The following DHX8 variants were observed in gnomAD, a reference collection of about 807,000 sequenced individuals.
The protein encoded by DHX8 is DEAH-box helicase 8, also known as ATP-dependent RNA helicase DHX8.
DHX8 carries 67 observed loss-of-function variants against 140.7 expected under a neutral mutation model. That is an observed-to-expected ratio of 0.48 (90% confidence interval 0.39 to 0.58). The LOEUF (loss-of-function observed/expected upper bound fraction) is 0.58. Ranked by LOEUF, DHX8 falls within the 20% of genes least tolerant of loss-of-function variation. The pLI, the probability that DHX8 is intolerant of heterozygous loss-of-function variation, is 0.00. For synonymous variants in DHX8, 533 were observed against 553.2 expected (o/e 0.96, Z 0.51); for missense variants, 887 against 1,550.7 (o/e 0.57, Z 7.19).
intron 16 of DHX8, 96 bp downstream of exon 16, chr17:43,508,616 G>T: frequency 1.7e-4 from 107 of 632,930 alleles, no homozygotes; most frequent in Non-Finnish European, 2.3e-4. Context: ...GTGTATGCAA[G>T]TCTTTTTTTT....
intron 11 of DHX8, among the ~76,000 whole-genome samples, chr17:43,500,414 G>A (rs1969119098): frequency 6.6e-6 from 1 of 152,106 alleles, no homozygotes; most frequent in African/African-American, 2.4e-5. Flanking sequence ...TTAAACCCAG[G>A]AGGTGGAAGT....
intron 8 of DHX8, among the ~76,000 whole-genome samples, chr17:43,494,825 T>TA (rs1346837003): frequency 7.2e-6 from 1 of 138,636 alleles, no homozygotes; most frequent in Non-Finnish European, 1.6e-5. Flanking sequence ...TTTTTTTTTT[T>TA]AATTGAGACG....
In DHX8 at chr17:43,511,456, A is replaced by ATTTTTTTTTTTTTTTTTTTTTTT. The variant is rs71160045; in HGVS notation, c.2503-1887_2503-1886insTTTTTTTTTTTTTTTTTTTTTTT. On this transcript the variant is annotated intron_variant, in intron 16 of 22. Coordinates refer to ENST00000262415, the MANE Select transcript of DHX8 (RefSeq NM_004941.3). ...AGTGGCTTATGCCTGTGATCCCAGCATTTTTTTTTTTTTTTTTTTGAGACA... is the reference window on the plus strand; with the variant it reads ...AGTGGCTTATGCCTGTGATCCCAGCATTTTTTTTTTTTTTTTTTTTTTTTTTTTTTTTTTTTTTTTTTGAGACA... Among the ~76,000 whole-genome samples the ATTTTTTTTTTTTTTTTTTTTTTT allele has an allele frequency of 9.0e-4, 51 of 56,790 alleles. 17 individuals are homozygous for ATTTTTTTTTTTTTTTTTTTTTTT. The highest frequency in any genetic ancestry group is 2.1e-3 in the East Asian group (3 of 1,418). The allele number at this position is 56,790 out of a possible 152,430, so 37.3% of individuals were successfully genotyped here. A position where few individuals can be genotyped will look rare whatever the true frequency, so the allele number is the denominator to read the frequency against.
intron 8 of DHX8, 43 bp downstream of exon 8, chr17:43,493,929 G>GC: frequency 6.2e-7 from 1 of 1,604,564 alleles, no homozygotes; most frequent in Non-Finnish European, 8.5e-7. Context: ...CATTCAGCAT[G>GC]TAGCATGGTG....
chr17:43,525,940 A>G (rs1970599013), downstream of DHX8: 3 of 985,382 alleles, frequency 3.0e-6, no homozygotes, highest in Non-Finnish European at 3.6e-6. Flanking sequence ...AGGATAAGAG[A>G]CAGCAGGGTT....
chr17:43,488,581 A>G (rs1968317448), intron 1 of DHX8, among the ~76,000 whole-genome samples: 1 of 151,638 alleles, frequency 6.6e-6, no homozygotes, highest in Admixed American at 6.6e-5. Flanking sequence ...GCTGCACTCC[A>G]GCCTGGGCGA....
chr17:43,487,526 G>T (rs1184044709), intron 1 of DHX8, among the ~76,000 whole-genome samples: 1 of 152,086 alleles, frequency 6.6e-6, no homozygotes, highest in Non-Finnish European at 1.5e-5. Flanking sequence ...GCTGATTTTT[G>T]TATTTTTTGT....
chr17:43,522,748 A>G (rs1970437431), intron 22 of DHX8, among the ~76,000 whole-genome samples: 1 of 123,232 alleles, frequency 8.1e-6, no homozygotes, highest in Non-Finnish European at 1.6e-5. Context: ...ACTCCATCTC[A>G]AAAAAAAAAA....
chr17:43,528,392 G>T, downstream of DHX8: 1 of 661,538 alleles, frequency 1.5e-6, no homozygotes, highest in Non-Finnish European at 2.6e-6. Context: ...TAGGGCAACT[G>T]GTAGGACAGT....
At chr17:43,526,587 G>A, downstream of DHX8, 3 of 1,535,674 alleles carry the variant, frequency 2.0e-6, no homozygotes, top group East Asian at 2.4e-5. Context: ...ACTGGGACTG[G>A]TGACTTGTTA....
intron 3 of DHX8, among the ~76,000 whole-genome samples, chr17:43,539,146 A>G (rs1166836092): frequency 6.6e-6 from 1 of 152,170 alleles, no homozygotes. Context: ...TATTTAAAGC[A>G]TGAAATCCAA....
At chr17:43,496,104 A>G in intron 8 of DHX8, 77 bp from the exon 9 acceptor site, 1 of 1,176,718 alleles carries the variant, frequency 8.5e-7, no homozygotes, top group Non-Finnish European at 1.3e-6. Context: ...TCTCAAAAAA[A>G]CAAAACAAAA....
downstream of DHX8, chr17:43,529,282 G>GA (rs1567705718): frequency 3.2e-6 from 5 of 1,579,094 alleles, no homozygotes; most frequent in South Asian, 4.4e-5. Flanking sequence ...CTTGGCAGAG[G>GA]AAAAAATGGG....
exon 4 of DHX8, chr17:43,544,400 A>C (rs1251771639): frequency 6.5e-6 from 1 of 152,910 alleles, no homozygotes; most frequent in East Asian, 1.9e-4. Flanking sequence ...AATCAAGGCT[A>C]TTTGGGGAGG....
At chr17:43,534,710 C>G (rs112341138) in intron 2 of DHX8, among the ~76,000 whole-genome samples, 1 of 152,062 alleles carries the variant, frequency 6.6e-6, no homozygotes, top group Non-Finnish European at 1.5e-5. Context: ...GAGGCCGAGG[C>G]GGGCGGATCA....
At chr17:43,537,076 T>C (rs1598208105) in intron 3 of DHX8, among the ~76,000 whole-genome samples, 1 of 152,144 alleles carries the variant, frequency 6.6e-6, no homozygotes, top group East Asian at 1.9e-4. Context: ...AAAAATCACA[T>C]AGGAGGCGGC....
downstream of DHX8, chr17:43,525,672 C>T: frequency 3.0e-6 from 3 of 984,878 alleles, no homozygotes; most frequent in Non-Finnish European, 3.6e-6. Flanking sequence ...ATCTTGCCAT[C>T]TTGCCTAGGC....
At chr17:43,509,382 A>G (rs1044077273) in intron 16 of DHX8, among the ~76,000 whole-genome samples, 1 of 152,162 alleles carries the variant, frequency 6.6e-6, no homozygotes, top group African/African-American at 2.4e-5. Context: ...TGTGTATGAG[A>G]CAACAGGAAA....
intron 12 of DHX8, among the ~76,000 whole-genome samples, chr17:43,506,246 TCCTC>T (rs1194183450): frequency 6.6e-6 from 1 of 151,130 alleles, no homozygotes; most frequent in Non-Finnish European, 1.5e-5. Flanking sequence ...ACTCAAGCAA[TCCTC>T]CCTCCTTGGC....
Sources: allele counts gnomAD v4.1 joint callset (sites outside exome capture counted in the v4.1 genomes callset), GRCh38; gene constraint gnomAD v4.1.1; transcripts MANE v1.5; gene names NCBI Gene and HGNC (gene_info 2026-07-23, HGNC 2026-07-21).